MAP4K3: variants seen among roughly 807,000 people sequenced by gnomAD.
MAP4K3 encodes the protein MAPK/ERK kinase kinase kinase 3.
MAP4K3 carries 94 observed loss-of-function variants against 143.5 expected under a neutral mutation model. The observed-to-expected ratio is 0.65, with a 90% CI of 0.55 to 0.78. The LOEUF (loss-of-function observed/expected upper bound fraction) is 0.78. Ranked by LOEUF, MAP4K3 falls within the 30% of genes least tolerant of loss-of-function variation. MAP4K3 has a pLI of 0.00. For synonymous variants in MAP4K3, 416 were observed against 347.2 expected, an observed-to-expected ratio of 1.20 and a Z score of -2.20; for missense variants, 1,077 against 1,068.1, an observed-to-expected ratio of 1.01 and a Z score of -0.12.
intron 16 of MAP4K3, among the ~76,000 whole-genome samples, chr2:39,297,143 G>A (rs1415556697): frequency 1.3e-5 from 2 of 150,818 alleles, no homozygotes; most frequent in Admixed American, 6.6e-5. Flanking sequence ...TTGAGACAGA[G>A]TTTCACTCTT....
At chr2:39,288,983 C>T (rs1329561014) in intron 19 of MAP4K3, among the ~76,000 whole-genome samples, 1 of 152,116 alleles carries the variant, frequency 6.6e-6, no homozygotes, top group African/African-American at 2.4e-5. Context: ...ATCCGGGAGG[C>T]GTAGCTTGCA....
intron 1 of MAP4K3, among the ~76,000 whole-genome samples, chr2:39,404,122 G>A (rs1333642623): frequency 1.3e-5 from 2 of 151,628 alleles, no homozygotes; most frequent in Admixed American, 6.6e-5. Flanking sequence ...TCTGACATGT[G>A]CTGGCTTCAA....
intron 3 of MAP4K3, among the ~76,000 whole-genome samples, chr2:39,346,847 G>C (rs1369759822): frequency 6.6e-6 from 1 of 151,916 alleles, no homozygotes; most frequent in Non-Finnish European, 1.5e-5. Flanking sequence ...CTCTGCCTGA[G>C]ATATAAAGGC....
chr2:39,286,554 T>C (rs759589), intron 21 of MAP4K3, among the ~76,000 whole-genome samples: 122,477 of 152,242 alleles, frequency 0.8, 51,291 homozygotes, highest in Non-Finnish European at 0.92. Flanking sequence ...ATTTTGTGAA[T>C]AATCACAAGA....
chr2:39,301,252 A>T (rs1682500017), intron 15 of MAP4K3, among the ~76,000 whole-genome samples: 1 of 152,228 alleles, frequency 6.6e-6, no homozygotes, highest in Admixed American at 6.5e-5. Context: ...GTGAGAAAAG[A>T]TAACACATCA....
At chr2:39,372,120 T>C (rs917246538) in intron 2 of MAP4K3, among the ~76,000 whole-genome samples, 2 of 151,736 alleles carry the variant, frequency 1.3e-5, no homozygotes, top group African/African-American at 4.8e-5. Flanking sequence ...CAAAAAGTAG[T>C]ATCATTTTTG....
chr2:39,424,711 TCCCAG>T (rs1221541790), intron 1 of MAP4K3, among the ~76,000 whole-genome samples: 4 of 150,942 alleles, frequency 2.7e-5, no homozygotes, highest in Non-Finnish European at 5.9e-5. Flanking sequence ...ACACCTGTAG[TCCCAG>T]CTACCTTGGG....
chr2:39,409,159 T>C (rs753927687), intron 1 of MAP4K3, among the ~76,000 whole-genome samples: 7 of 152,222 alleles, frequency 4.6e-5, no homozygotes, highest in Non-Finnish European at 8.8e-5. Context: ...ACTTAAGGAA[T>C]AGTAAATATA....
chr2:39,296,171 G>A (rs917354401), intron 16 of MAP4K3, among the ~76,000 whole-genome samples: 1 of 152,164 alleles, frequency 6.6e-6, no homozygotes, highest in African/African-American at 2.4e-5. Flanking sequence ...TCCCCATTGT[G>A]TGTTAACATA....
chr2:39,307,277 T>A (rs1682744524), intron 15 of MAP4K3, among the ~76,000 whole-genome samples: 2 of 152,140 alleles, frequency 1.3e-5, no homozygotes, highest in Admixed American at 1.3e-4. Flanking sequence ...ATTAAAAGTA[T>A]TATTTATTTA....
chr2:39,340,408 A>G (rs937100857), intron 4 of MAP4K3, among the ~76,000 whole-genome samples: 9 of 152,218 alleles, frequency 5.9e-5, no homozygotes, highest in Admixed American at 6.5e-5. Flanking sequence ...TGAATCCCCA[A>G]TATTCATATA....
chr2:39,430,725 A>T (rs768382804), intron 1 of MAP4K3, among the ~76,000 whole-genome samples: 1 of 152,238 alleles, frequency 6.6e-6, no homozygotes, highest in Non-Finnish European at 1.5e-5. Context: ...GAGTATCTTC[A>T]TATGCATATA....
At chr2:39,348,089 T>C (rs892057014) in intron 3 of MAP4K3, among the ~76,000 whole-genome samples, 13 of 152,126 alleles carry the variant, frequency 8.5e-5, no homozygotes, top group Non-Finnish European at 1.5e-4. Context: ...TTAAGGTGTC[T>C]AGCTGCTCTA....
In MAP4K3 at chr2:39,355,401, C is replaced by T. The variant is rs1043055745; in HGVS notation, c.245+848G>A. The stretch of plus-strand genomic sequence containing the variant: ...AAAAAAAAGGCTGGGCATGGTGGTA[C>T]GTACCTGTGGTCCCAGCTATTCATG... On this transcript the variant is annotated intron_variant, in intron 3 of 33. Transcript: ENST00000263881. 1.0e-4 allele frequency among the ~76,000 whole-genome samples: 15 copies of T among 144,208 alleles called. No homozygotes were observed. In the East Asian group the frequency reaches 1.8e-3, roughly 17 times the overall value. The allele number at this position is 144,208 out of a possible 152,430, so 94.6% of individuals were successfully genotyped here.
At chr2:39,412,407 A>C (rs1307003761) in intron 1 of MAP4K3, among the ~76,000 whole-genome samples, 1 of 152,240 alleles carries the variant, frequency 6.6e-6, no homozygotes, top group Non-Finnish European at 1.5e-5. Flanking sequence ...ACAAGGAATA[A>C]GACAAAGAAG....
At position 39,288,247 on chromosome 2, in the gene MAP4K3, A is replaced by C; in HGVS notation, c.1348T>G (p.Ser450Ala). 1 of 1,614,124 alleles carries C rather than the reference A, an allele frequency of 6.2e-7. No homozygotes were observed. Among genetic ancestry groups the C allele is most frequent in the Non-Finnish European group, 8.5e-7 (1 of 1,179,966 alleles). Residue 450 changes from serine to alanine, a missense_variant, in exon 20 of 34, where the codon TCT (serine) becomes GCT (alanine). Ser to Ala is a moderately conservative substitution (Grantham distance 99). Around this residue, in one of 2 missense-constraint regions of MAP4K3, gnomAD observed 864 missense variants for 801.2 expected, o/e 1.08. Transcript: ENST00000263881. ...GTTCCTTGATTTTCATCCTCAGTAGAATGCATTTCCTGTGGTATGAAGATA... is the reference window on the plus strand; with the variant it reads ...GTTCCTTGATTTTCATCCTCAGTAGCATGCATTTCCTGTGGTATGAAGATA... Reference protein sequence around the residue: ...KSIFIPQEMHSTEDENQGTIK... With the variant: ...KSIFIPQEMHATEDENQGTIK...
chr2:39,297,535 A>G (rs937002158), intron 16 of MAP4K3, among the ~76,000 whole-genome samples: 4 of 152,312 alleles, frequency 2.6e-5, no homozygotes, highest in African/African-American at 9.6e-5. Context: ...GTCAAAGTAC[A>G]TATGCTTCCT....
intron 24 of MAP4K3, among the ~76,000 whole-genome samples, chr2:39,273,323 T>A (rs1245520229): frequency 1.3e-5 from 2 of 152,204 alleles, no homozygotes; most frequent in African/African-American, 4.8e-5. Context: ...ACCCCAGATC[T>A]ACTGAAGCAA....
chr2:39,264,615 C>T (rs1029085415), intron 28 of MAP4K3, among the ~76,000 whole-genome samples: 1 of 152,150 alleles, frequency 6.6e-6, no homozygotes, highest in African/African-American at 2.4e-5. Flanking sequence ...TTTTAAAATT[C>T]ATTTGGTATT....
Sources: gnomAD v4.1 joint callset for allele counts (sites outside exome capture counted in the v4.1 genomes callset) on GRCh38, gnomAD v4.1.1 for gene constraint, gnomAD v4.1.1 regional missense constraint, MANE v1.5 for transcripts, NCBI Gene and HGNC (gene_info 2026-07-23, HGNC 2026-07-21) for gene names.